NTM: variants seen among roughly 807,000 people sequenced by gnomAD.
NTM encodes the protein IgLON family member 2.
In NTM, 13 loss-of-function variants were observed where a neutral mutation model predicts 42.1. The observed-to-expected ratio is 0.31, with a 90% CI of 0.20 to 0.49. NTM has a LOEUF of 0.49. NTM is among the 20% of genes least tolerant of loss of function. The pLI, the probability that NTM is intolerant of heterozygous loss-of-function variation, is 0.99. For missense variants in NTM, 373 were observed against 452.8 expected (o/e 0.82, Z 1.60); for synonymous variants, 187 against 179.2 (o/e 1.04, Z -0.35).
intron 4 of NTM, among the ~76,000 whole-genome samples, chr11:132,257,468 G>A (rs1424657405): frequency 6.6e-6 from 1 of 152,158 alleles, no homozygotes; most frequent in South Asian, 2.1e-4. Flanking sequence ...AGAGCTAACG[G>A]CATCTGTCCA....
At chr11:131,588,762 G>A (rs1157132563) in intron 1 of NTM, among the ~76,000 whole-genome samples, 4 of 152,162 alleles carry the variant, frequency 2.6e-5, no homozygotes, top group African/African-American at 9.7e-5. Context: ...CGTCAGACAA[G>A]GTCTCCATCT....
chr11:131,697,769 A>G (rs1376891080), intron 1 of NTM, among the ~76,000 whole-genome samples: 1 of 152,088 alleles, frequency 6.6e-6, no homozygotes, highest in East Asian at 1.9e-4. Context: ...CTCTTGCGTT[A>G]TTTAATTACT....
At chr11:131,861,261 C>T (rs956573706) in intron 1 of NTM, among the ~76,000 whole-genome samples, 1 of 152,194 alleles carries the variant, frequency 6.6e-6, no homozygotes, top group African/African-American at 2.4e-5. Flanking sequence ...GGTCCTATCC[C>T]CAAGTGCTAA....
chr11:131,798,143 T>C (rs1393359005), intron 1 of NTM, among the ~76,000 whole-genome samples: 1 of 152,114 alleles, frequency 6.6e-6, no homozygotes, highest in Non-Finnish European at 1.5e-5. Flanking sequence ...GTAGTAATAA[T>C]GGGTGTCAGG....
intron 3 of NTM, among the ~76,000 whole-genome samples, chr11:132,162,995 C>T (rs969992260): frequency 6.7e-6 from 1 of 150,004 alleles, no homozygotes; most frequent in South Asian, 2.1e-4. Flanking sequence ...TTACCTAACT[C>T]TCCCCTGGTC....
At chr11:131,705,495 A>G (rs559018947) in intron 1 of NTM, among the ~76,000 whole-genome samples, 2 of 152,326 alleles carry the variant, frequency 1.3e-5, no homozygotes, top group Middle Eastern at 3.4e-3. Context: ...TCAAGTTGAA[A>G]TGAAAGGAGA....
chr11:131,979,350 A>G lies in NTM; in HGVS notation c.167+67702A>G, dbSNP rs575871121. On this transcript the variant is annotated intron_variant, in intron 2 of 8. Transcript: ENST00000683400. ...TTTTTAGATCTTAGATATTTAAACT[A>G]AAGAAGTGTGTGATAGCATTATTAA... Among the ~76,000 whole-genome samples, 6 of 151,060 alleles carry G rather than the reference A, an allele frequency of 4.0e-5. No individual in the cohort carries two copies. The South Asian group carries it at 8.6e-4, about 22-fold the overall frequency.
chr11:131,858,289 C>T (rs1222393503), intron 1 of NTM, among the ~76,000 whole-genome samples: 1 of 152,100 alleles, frequency 6.6e-6, no homozygotes, highest in Admixed American at 6.6e-5. Context: ...AGTTGATTCT[C>T]TCCCTCTCTC....
intron 2 of NTM, among the ~76,000 whole-genome samples, chr11:132,091,678 G>A (rs1210029055): frequency 6.6e-6 from 1 of 151,872 alleles, no homozygotes; most frequent in Non-Finnish European, 1.5e-5. Flanking sequence ...TTGGTGGTCT[G>A]CTTACATTAC....
chr11:132,037,636 C>T (rs1360188789), intron 2 of NTM, among the ~76,000 whole-genome samples: 1 of 152,266 alleles, frequency 6.6e-6, no homozygotes, highest in East Asian at 1.9e-4. Context: ...GAAGCTTCTT[C>T]CCACTGGGAG....
intron 2 of NTM, among the ~76,000 whole-genome samples, chr11:132,052,287 T>C (rs2078959195): frequency 6.6e-6 from 1 of 152,222 alleles, no homozygotes; most frequent in South Asian, 2.1e-4. Flanking sequence ...CTCTCCCTTT[T>C]TCCCTTCCTC....
At chr11:132,210,058 C>T (rs1291560935) in intron 3 of NTM, among the ~76,000 whole-genome samples, 1 of 152,094 alleles carries the variant, frequency 6.6e-6, no homozygotes, top group Non-Finnish European at 1.5e-5. Flanking sequence ...AATTTGCAAA[C>T]CCATCTGATT....
At chr11:132,217,824 G>GTTC (rs55735501) in intron 4 of NTM, among the ~76,000 whole-genome samples, 57,099 of 151,550 alleles carry the variant, frequency 0.38, 11,107 homozygotes, top group Middle Eastern at 0.53. Context: ...CCGGATAAGA[G>GTTC]TTCTCCTGGC....
intron 1 of NTM, among the ~76,000 whole-genome samples, chr11:131,618,081 G>T (rs2062135017): frequency 6.6e-6 from 1 of 152,184 alleles, no homozygotes; most frequent in Non-Finnish European, 1.5e-5. Context: ...AAGGCTTGAG[G>T]CTGCTCATTT....
Position 132,036,753 on chromosome 11 carries a change from G to A in NTM, c.168-109529G>A, listed in dbSNP as rs538229231. Among the ~76,000 whole-genome samples, 10 of 152,290 alleles carry A rather than the reference G, an allele frequency of 6.6e-5. No individual in the cohort carries two copies. In the South Asian group the frequency reaches 1.9e-3, roughly 28 times the overall value. On this transcript the variant is annotated intron_variant, in intron 2 of 8. Coordinates refer to ENST00000683400, the MANE Select transcript of NTM (RefSeq NM_001352005.2). The stretch of plus-strand genomic sequence containing the variant: ...TATTTGCTTGAATGACCTGGGATAA[G>A]CTCCTTTCTTAACTCCTTGTTTTTA...
chr11:131,589,166 A>AGTGTGTGTGTGTGT (rs2059139243), intron 1 of NTM, among the ~76,000 whole-genome samples: 1 of 114,006 alleles, frequency 8.8e-6, no homozygotes, highest in African/African-American at 5.3e-5. Flanking sequence ...AACCTGGAAA[A>AGTGTGTGTGTGTGT]ATGTGTGTGT....
At chr11:131,746,322 T>A (rs1382450693) in intron 1 of NTM, among the ~76,000 whole-genome samples, 3 of 152,204 alleles carry the variant, frequency 2.0e-5, no homozygotes, top group African/African-American at 7.2e-5. Context: ...TTTGGACGCA[T>A]GCTGTGCCGC....
At chr11:132,296,097 C>T (rs546549806) in intron 4 of NTM, among the ~76,000 whole-genome samples, 24 of 152,192 alleles carry the variant, frequency 1.6e-4, no homozygotes, top group Middle Eastern at 3.4e-3. Context: ...GACAATGCTG[C>T]CAAGAGAGAT....
intron 4 of NTM, among the ~76,000 whole-genome samples, chr11:132,240,794 G>C (rs1026853397): frequency 6.6e-6 from 1 of 152,188 alleles, no homozygotes; most frequent in African/African-American, 2.4e-5. Context: ...AGTAAAATGC[G>C]CTTTGGCATA....
Sources: gnomAD v4.1 joint callset for allele counts (sites outside exome capture counted in the v4.1 genomes callset) on GRCh38, gnomAD v4.1.1 for gene constraint, MANE v1.5 for transcripts, NCBI Gene and HGNC (gene_info 2026-07-23, HGNC 2026-07-21) for gene names.